Variants in DDI2 observed in about 807,000 individuals in gnomAD.
DDI2 encodes the protein DDI proteasomal shuttling factor 2.
A neutral mutation model predicts 48.1 loss-of-function variants in DDI2; 5 were observed. The observed-to-expected ratio is 0.10, with a 90% CI of 0.05 to 0.22. The LOEUF (loss-of-function observed/expected upper bound fraction) is 0.22. Ranked by LOEUF, DDI2 falls within the 10% of genes least tolerant of loss-of-function variation. The probability of loss-of-function intolerance (pLI) is 1.00; values close to 1 mark genes in which losing one functional copy is unlikely to be tolerated. For missense variants in DDI2, 285 were observed against 506.2 expected (o/e 0.56, Z 4.19); for synonymous variants, 205 against 183.6 (o/e 1.12, Z -0.94).
At chr1:15,634,816 G>A (rs1050485107) in intron 4 of DDI2, among the ~76,000 whole-genome samples, 1 of 152,046 alleles carries the variant, frequency 6.6e-6, no homozygotes, top group African/African-American at 2.4e-5. Context: ...ATAGGGATGA[G>A]CCACTGCACT....
Position 15,668,611 on chromosome 1 carries a change from T to C in DDI2, c.*8821T>C, listed in dbSNP as rs1297810319. The stretch of plus-strand genomic sequence containing the variant: ...CTTAGCAACTAGAAACCCCGTCCTT[T>C]CTTTTCCTTCTTTATATGTTCTTGC... On this transcript the variant is annotated 3_prime_UTR_variant, in exon 10 of 10. Coordinates refer to ENST00000480945, the MANE Select transcript of DDI2 (RefSeq NM_032341.5). 6.6e-6 allele frequency: 1 copy of C among 152,216 alleles called. No individual in the cohort carries two copies. The highest frequency in any genetic ancestry group is 2.4e-5 in the African/African-American group (1 of 41,456). The allele number at this position is 152,216 out of a possible 1,614,324, so 9.4% of individuals were successfully genotyped here.
intron 1 of DDI2, among the ~76,000 whole-genome samples, chr1:15,619,085 TTAAA>T (rs1016909430): frequency 6.6e-6 from 1 of 152,206 alleles, no homozygotes. Context: ...AAAGGACTGT[TTAAA>T]TAGAGAAAAT....
intron 7 of DDI2, among the ~76,000 whole-genome samples, chr1:15,650,550 C>A (rs190279518): frequency 2.6e-5 from 4 of 152,190 alleles, no homozygotes; most frequent in Admixed American, 2.0e-4. Context: ...GAGTTTGAAA[C>A]CAGTCTGGGT....
intron 8 of DDI2, among the ~76,000 whole-genome samples, chr1:15,654,673 A>C (rs567460588): frequency 6.9e-4 from 104 of 150,126 alleles, no homozygotes; most frequent in African/African-American, 2.2e-3. Flanking sequence ...AAAAAAAAAA[A>C]CAACAGAATT....
intron 5 of DDI2, among the ~76,000 whole-genome samples, chr1:15,641,975 AAGG>A (rs1488366612): frequency 4.9e-5 from 7 of 142,430 alleles, no homozygotes; most frequent in South Asian, 2.1e-4. Flanking sequence ...AAAAAAAAAA[AAGG>A]AGAAGAAAGG....
At chr1:15,626,590 A>G in intron 1 of DDI2, 79 bp from the exon 2 acceptor site, 1 of 1,574,470 alleles carries the variant, frequency 6.4e-7, no homozygotes, top group Non-Finnish European at 8.6e-7. Context: ...CATCTGATTC[A>G]GGGGAAAACT....
intron 8 of DDI2, among the ~76,000 whole-genome samples, chr1:15,655,176 T>C (rs979087465): frequency 6.6e-6 from 1 of 152,234 alleles, no homozygotes; most frequent in Admixed American, 6.5e-5. Flanking sequence ...AATAACCTTT[T>C]GTTGCTGGTA....
Position 15,651,758 on chromosome 1 carries a change from A to T in DDI2, c.1046A>T (p.Gln349Leu). 6.2e-7 allele frequency: 1 copy of T among 1,613,944 alleles called. No homozygotes were observed. Among genetic ancestry groups the T allele is most frequent in the Non-Finnish European group, 8.5e-7 (1 of 1,179,866 alleles). Residue 349 changes from glutamine to leucine, a missense_variant, in exon 8 of 10, where the codon CAG becomes CTG. By Grantham distance (113) the Gln-to-Leu change is moderately radical. Around this residue, in one of 3 missense-constraint regions of DDI2, gnomAD observed 66 missense variants for 87.3 expected, o/e 0.76. Transcript: ENST00000480945. ...CTCGTGATCGGCACCACAGGCTCCC[A>T]GACCACCTTTCTTCCTGAGGGAGAG... Reference protein sequence around the residue: ...NVLVIGTTGSQTTFLPEGELP... With the variant: ...NVLVIGTTGSLTTFLPEGELP...
Position 15,617,531 on chromosome 1 carries a change from TGTGA to T in DDI2, c.-138_-135del. ...GGGAGGGAGTGACTCACTGAGCGTG[TGTGA>T]GGGAGGGAGCGAGCGAGCGAACGAG... On this transcript the variant is annotated 5_prime_UTR_variant, in exon 1 of 10. Coordinates refer to ENST00000480945, the MANE Select transcript of DDI2 (RefSeq NM_032341.5). The T allele has an allele frequency of 3.5e-6, 2 of 578,832 alleles. No individual in the cohort carries two copies. The highest frequency in any genetic ancestry group is 5.5e-4 in the Middle Eastern group (1 of 1,830). The allele number at this position is 578,832 out of a possible 1,614,324, so 35.9% of individuals were successfully genotyped here. A position where few individuals can be genotyped will look rare whatever the true frequency, so the allele number is the denominator to read the frequency against.
rs753929741 is a variant in DDI2 at position 15,649,871 on chromosome 1, T to A, written c.993+48T>A. 3.9e-6 allele frequency: 6 copies of A among 1,551,864 alleles called. No individual in the cohort carries two copies. The Admixed American group carries it at 1.1e-4, about 29-fold the overall frequency. On this transcript the variant is annotated intron_variant, in intron 7 of 9. Transcript: ENST00000480945. The stretch of plus-strand genomic sequence containing the variant: ...TTTTTTGCATCTGCTTTTTGTAATA[T>A]GGTCATTATCACATTATTTTTATTG...
intron 6 of DDI2, among the ~76,000 whole-genome samples, chr1:15,646,262 A>T (rs1396170734): frequency 6.6e-6 from 1 of 152,200 alleles, no homozygotes; most frequent in African/African-American, 2.4e-5. Context: ...AGTATTTATG[A>T]CCAGTTCCTA....
intron 2 of DDI2, among the ~76,000 whole-genome samples, chr1:15,629,298 T>TAATA (rs1639806360): frequency 6.6e-6 from 1 of 152,108 alleles, no homozygotes; most frequent in South Asian, 2.1e-4. Flanking sequence ...TTGACATATA[T>TAATA]AATATCCTTT....
chr1:15,636,433 T>TTTTG (rs911866886), intron 4 of DDI2, among the ~76,000 whole-genome samples: 8 of 152,054 alleles, frequency 5.3e-5, no homozygotes, highest in Admixed American at 4.6e-4. Flanking sequence ...GAGGTTTATT[T>TTTTG]TTTGTTTGTT....
At chr1:15,626,879 G>A (rs1639763526) in intron 2 of DDI2, 81 bp downstream of exon 2, 7 of 1,559,372 alleles carry the variant, frequency 4.5e-6, no homozygotes, top group African/African-American at 1.4e-5. Context: ...TTTTGGATTC[G>A]CTTTGGATTC....
Position 15,669,023 on chromosome 1 carries a change from CAAT to C in DDI2, c.*9236_*9238del, listed in dbSNP as rs1640491701. 1 of 152,124 alleles carries C rather than the reference CAAT, an allele frequency of 6.6e-6. No homozygotes were observed. The allele number at this position is 152,124 out of a possible 1,614,324, so 9.4% of individuals were successfully genotyped here. A position where few individuals can be genotyped will look rare whatever the true frequency, so the allele number is the denominator to read the frequency against. On this transcript the variant is annotated 3_prime_UTR_variant, in exon 10 of 10. Transcript: ENST00000480945. Reference sequence around the variant, plus strand: ...TGTGTAAAACATTTGATATTTAAGACAATAAAGTTTTTATCATAAGACTTCTGT... The same window carrying C: ...TGTGTAAAACATTTGATATTTAAGACAAAGTTTTTATCATAAGACTTCTGT...
intron 6 of DDI2, among the ~76,000 whole-genome samples, chr1:15,649,311 G>A (rs1472802340): frequency 1.3e-5 from 2 of 151,744 alleles, no homozygotes; most frequent in Non-Finnish European, 2.9e-5. Flanking sequence ...GCAGTGAGCC[G>A]AGATCACGCC....
At chr1:15,647,273 G>C (rs1351251429) in intron 6 of DDI2, among the ~76,000 whole-genome samples, 2 of 151,218 alleles carry the variant, frequency 1.3e-5, no homozygotes, top group Non-Finnish European at 1.5e-5. Flanking sequence ...TCAGCCTCCC[G>C]AATAGCTGGG....
chr1:15,622,344 T>C (rs1639678961), intron 1 of DDI2, among the ~76,000 whole-genome samples: 1 of 152,176 alleles, frequency 6.6e-6, no homozygotes, highest in South Asian at 2.1e-4. Flanking sequence ...TGTTCTGTAA[T>C]GCTAGAAATT....
rs775896303 is a variant in DDI2, at chr1:15,656,641, A to C, written c.*8A>C. 6.2e-7 allele frequency: 1 copy of C among 1,614,136 alleles called. No homozygotes were observed. The highest frequency in any genetic ancestry group is 8.5e-7 in the Non-Finnish European group (1 of 1,180,004). On this transcript the variant is annotated 3_prime_UTR_variant, in exon 9 of 10. Coordinates refer to ENST00000480945, the MANE Select transcript of DDI2 (RefSeq NM_032341.5). The stretch of plus-strand genomic sequence containing the variant: ...GAGCGTCAGAAGCCATGATGCATGT[A>C]GTGTGTGTGTACTGCAGCTGGAGTG...
Sources: gnomAD v4.1 joint callset for allele counts (sites outside exome capture counted in the v4.1 genomes callset) on GRCh38, gnomAD v4.1.1 for gene constraint, gnomAD v4.1.1 regional missense constraint, MANE v1.5 for transcripts, NCBI Gene and HGNC (gene_info 2026-07-23, HGNC 2026-07-21) for gene names.